ANK3: variants seen among roughly 807,000 people sequenced by gnomAD.
The protein encoded by ANK3 is ankyrin-3.
ANK3 carries 57 observed loss-of-function variants against 370.9 expected under a neutral mutation model. The observed-to-expected ratio is 0.15, with a 90% CI of 0.12 to 0.19. The LOEUF (loss-of-function observed/expected upper bound fraction) is 0.19, where lower values mean the gene tolerates loss of function less well. Ranked by LOEUF, ANK3 falls within the 10% of genes least tolerant of loss-of-function variation. ANK3 has a pLI of 1.00. For synonymous variants in ANK3, 1,929 were observed against 1,946.3 expected (o/e 0.99, Z 0.23); for missense variants, 4,439 against 5,302.1 (o/e 0.84, Z 5.06).
At chr10:60,388,633 C>T (rs528905237) in intron 1 of ANK3, among the ~76,000 whole-genome samples, 14 of 152,120 alleles carry the variant, frequency 9.2e-5, no homozygotes, top group Non-Finnish European at 1.5e-4. Flanking sequence ...TATAATAAAT[C>T]ACCACTGACC....
At chr10:60,287,869 C>T (rs1014372907) in intron 1 of ANK3, among the ~76,000 whole-genome samples, 17 of 151,884 alleles carry the variant, frequency 1.1e-4, no homozygotes, top group African/African-American at 1.9e-4. Flanking sequence ...TCTTCAGTTT[C>T]GCCCCCAATA....
At chr10:60,584,500 C>A (rs1354064780) in intron 2 of ANK3, among the ~76,000 whole-genome samples, 1 of 152,096 alleles carries the variant, frequency 6.6e-6, no homozygotes, top group Non-Finnish European at 1.5e-5. Flanking sequence ...TGCCTGTAGT[C>A]CCAGCTACTC....
rs893324845 is a variant in ANK3, at chr10:60,278,870, T to C, written c.318A>G (p.Lys106=). 1.2e-6 allele frequency: 2 copies of C among 1,613,878 alleles called. No individual in the cohort carries two copies. Among genetic ancestry groups the C allele is most frequent in the Non-Finnish European group, 8.5e-7 (1 of 1,179,850 alleles). Residue 106 remains lysine, a splice_region_variant and synonymous_variant, in exon 4 of 44, where the codon AAA becomes AAG. Coordinates refer to ENST00000280772, the MANE Select transcript of ANK3 (RefSeq NM_020987.5). ...REANVDAATK[K]GNTALHIASL... Reference sequence around the variant, plus strand: ...ATGCGATGTGCAATGCTGTGTTTCCTTTCTGTGAAATGAAAGTCAAGATAT... The same window carrying C: ...ATGCGATGTGCAATGCTGTGTTTCCCTTCTGTGAAATGAAAGTCAAGATAT...
At chr10:60,293,742 T>A (rs1297055947) in intron 1 of ANK3, among the ~76,000 whole-genome samples, 2 of 152,206 alleles carry the variant, frequency 1.3e-5, no homozygotes, top group Non-Finnish European at 2.9e-5. Context: ...TCTGCGGAGA[T>A]CCTTGTTTAT....
intron 23 of ANK3, among the ~76,000 whole-genome samples, chr10:60,157,148 C>T (rs1170146755): frequency 1.3e-5 from 2 of 151,592 alleles, no homozygotes; most frequent in African/African-American, 4.8e-5. Context: ...AGCCATTCTC[C>T]TGCCTCAGCC....
rs1452987149 is a variant in ANK3 at position 60,032,190 on chromosome 10, GCTT to G, written c.*20-2367_*20-2365del. On this transcript the variant is annotated intron_variant, in intron 43 of 43. Coordinates refer to ENST00000280772, the MANE Select transcript of ANK3 (RefSeq NM_020987.5). ...ATACTTCAGCTATTATAAATACACA[GCTT>G]CTTTTTTTTTTTTTTTTTTTTTTTT... Among the ~76,000 whole-genome samples the G allele has an allele frequency of 4.0e-3, 243 of 60,102 alleles. 4 individuals are homozygous for G. The highest frequency in any genetic ancestry group is 0.012 in the African/African-American group (228 of 18,422). 39.4% of individuals were successfully genotyped at this position (60,102 alleles called of 152,430 possible). A position where few individuals can be genotyped will look rare whatever the true frequency, so the allele number is the denominator to read the frequency against.
intron 1 of ANK3, among the ~76,000 whole-genome samples, chr10:60,354,505 A>G (rs1222451262): frequency 6.6e-6 from 1 of 152,240 alleles, no homozygotes; most frequent in African/African-American, 2.4e-5. Flanking sequence ...ACTGAATTTG[A>G]TATTGTCTAG....
rs2132095747 is a variant in ANK3, at chr10:60,108,969, G to A, written c.3034C>T (p.Arg1012Cys). The change falls in exon 27 of 44, where the codon CGC becomes TGC. Residue 1012 changes from arginine to cysteine, a missense_variant. This residue lies in a region of ANK3 where 702 missense variants were observed against 941.5 expected (regional missense o/e 0.75). Transcript: ENST00000280772. Reference sequence around the variant, plus strand: ...ATTCGAGTGGGGGCCGTACACTTGCGTGGAGGAATGATGATTCTCATCCCG... The same window carrying A: ...ATTCGAGTGGGGGCCGTACACTTGCATGGAGGAATGATGATTCTCATCCCG... ...HHGMRIIIPP[R>C]KCTAPTRITC... The A allele has an allele frequency of 6.2e-7, 1 of 1,613,980 alleles. No homozygotes were observed. The highest frequency in any genetic ancestry group is 8.5e-7 in the Non-Finnish European group (1 of 1,179,966).
chr10:60,394,399 G>C (rs187872557), upstream of ANK3, among the ~76,000 whole-genome samples: 7 of 152,056 alleles, frequency 4.6e-5, no homozygotes, highest in Admixed American at 4.6e-4. Context: ...CCCTTGTAGG[G>C]GGTGGCACCT....
At chr10:60,386,912 C>A (rs185261475) in intron 1 of ANK3, among the ~76,000 whole-genome samples, 34 of 152,294 alleles carry the variant, frequency 2.2e-4, no homozygotes, top group Admixed American at 1.8e-3. Flanking sequence ...GTAATCCTAG[C>A]ACTTTGGGAG....
intron 2 of ANK3, among the ~76,000 whole-genome samples, chr10:60,413,035 G>A (rs1237085201): frequency 6.6e-6 from 1 of 152,140 alleles, no homozygotes; most frequent in Non-Finnish European, 1.5e-5. Context: ...TCTAGTTTCA[G>A]AAACAATAAA....
At chr10:60,486,344 C>T (rs955115610) in intron 2 of ANK3, among the ~76,000 whole-genome samples, 12 of 152,092 alleles carry the variant, frequency 7.9e-5, no homozygotes, top group African/African-American at 2.2e-4. Flanking sequence ...TTTGGGAGGC[C>T]GAGGTGGGTG....
chr10:60,476,016 C>T (rs1409916220), intron 2 of ANK3, among the ~76,000 whole-genome samples: 1 of 152,144 alleles, frequency 6.6e-6, no homozygotes, highest in African/African-American at 2.4e-5. Flanking sequence ...ATCAAAACAA[C>T]AGGACTTAGC....
chr10:60,353,158 G>T (rs143558153), intron 1 of ANK3, among the ~76,000 whole-genome samples: 23,666 of 125,326 alleles, frequency 0.19, 2,624 homozygotes, highest in South Asian at 0.31. Context: ...TTTTTGTTTT[G>T]TTTTTTTTTT....
intron 1 of ANK3, among the ~76,000 whole-genome samples, chr10:60,292,998 C>T (rs1403050493): frequency 1.3e-5 from 2 of 152,182 alleles, no homozygotes; most frequent in African/African-American, 2.4e-5. Flanking sequence ...CATGAGCCAC[C>T]AAGCCCCGCC....
intron 11 of ANK3, among the ~76,000 whole-genome samples, chr10:60,203,412 C>T (rs1043776341): frequency 5.9e-5 from 9 of 152,064 alleles, no homozygotes; most frequent in Non-Finnish European, 5.9e-5. Flanking sequence ...AGGTTGTTTT[C>T]CCCTTTACTA....
rs968285432 is a variant in ANK3, at chr10:60,389,821, A to G, written c.-283T>C. On this transcript the variant is annotated 5_prime_UTR_variant, in exon 1 of 44. Transcript: ENST00000280772. ...TACCGTAGTGAAGAAGACAGCTGGG[A>G]CAGAGGAAGCTGTATTATGGCTGTA... 1.7e-6 allele frequency: 2 copies of G among 1,197,380 alleles called. No homozygotes were observed. The highest frequency in any genetic ancestry group is 2.1e-6 in the Non-Finnish European group (2 of 962,034). The allele number at this position is 1,197,380 out of a possible 1,614,324, so 74.2% of individuals were successfully genotyped here. A position where few individuals can be genotyped will look rare whatever the true frequency, so the allele number is the denominator to read the frequency against.
intron 2 of ANK3, among the ~76,000 whole-genome samples, chr10:60,443,700 C>A (rs2064359879): frequency 6.6e-6 from 1 of 152,158 alleles, no homozygotes; most frequent in African/African-American, 2.4e-5. Context: ...CAGTGTGATA[C>A]TGACAGATGC....
intron 2 of ANK3, among the ~76,000 whole-genome samples, chr10:60,401,038 A>G (rs140120650): frequency 3.3e-5 from 5 of 152,360 alleles, no homozygotes; most frequent in African/African-American, 1.2e-4. Context: ...CCTGCCTTCA[A>G]CATATATTCA....
Sources: allele counts gnomAD v4.1 joint callset (sites outside exome capture counted in the v4.1 genomes callset), GRCh38; gene constraint gnomAD v4.1.1; regional missense constraint gnomAD v4.1.1; transcripts MANE v1.5; gene names NCBI Gene and HGNC (gene_info 2026-07-23, HGNC 2026-07-21).